Variants in TMPRSS5 observed in about 807,000 individuals in gnomAD.
TMPRSS5 encodes transmembrane protease serine 5.
Under a neutral mutation model 59.7 loss-of-function variants are expected in TMPRSS5, and 45 were observed. That is an observed-to-expected ratio of 0.75 (90% CI 0.59 to 0.97). The LOEUF is 0.97. Among genes scored for constraint, TMPRSS5 ranks in the 50% least tolerant of loss-of-function variants. TMPRSS5 has a pLI of 0.00. For missense variants in TMPRSS5, 585 were observed against 596.7 expected, an observed-to-expected ratio of 0.98 and a Z score of 0.20; for synonymous variants, 225 against 232.0, an observed-to-expected ratio of 0.97 and a Z score of 0.27.
At chr11:113,706,186 G>A (rs1418127351) in intron 1 of TMPRSS5, 36 bp downstream of exon 1, 1 of 1,589,488 alleles carries the variant, frequency 6.3e-7, no homozygotes, top group Non-Finnish European at 8.6e-7. Context: ...AAGAGAGAGA[G>A]GCCACAGCAG....
At chr11:113,698,796 C>T in intron 4 of TMPRSS5, 109 bp downstream of exon 4, 1 of 1,308,286 alleles carries the variant, frequency 7.6e-7, no homozygotes, top group Non-Finnish European at 1.1e-6. Flanking sequence ...GAGGGAAACA[C>T]ATATGGTTGG....
At chr11:113,689,944 G>A (rs772942450) in intron 11 of TMPRSS5, 27 bp from the exon 12 acceptor site, 30 of 1,519,018 alleles carry the variant, frequency 2.0e-5, no homozygotes, top group Non-Finnish European at 2.7e-5. Context: ...TGGAGACACA[G>A]AGAAACAGCC....
chr11:113,698,399 ACAGT>A (rs1486345187), intron 4 of TMPRSS5, among the ~76,000 whole-genome samples: 1 of 152,222 alleles, frequency 6.6e-6, no homozygotes, highest in East Asian at 1.9e-4. Context: ...CCAAAGTCAC[ACAGT>A]CAAAGACAGA....
chr11:113,699,749 C>T, intron 2 of TMPRSS5, 56 bp from the exon 3 acceptor site: 1 of 1,523,286 alleles, frequency 6.6e-7, no homozygotes, highest in East Asian at 2.5e-5. Context: ...GCCTGCCTTA[C>T]TTCACCCTAA....
At chr11:113,695,866 TCTC>T in intron 6 of TMPRSS5, among the ~76,000 whole-genome samples, 1 of 152,254 alleles carries the variant, frequency 6.6e-6, no homozygotes, top group East Asian at 1.9e-4. Context: ...TTTGCTGTAT[TCTC>T]CACCCTGGTC....
rs116051937 is a variant in TMPRSS5 at position 113,703,599 on chromosome 11, C to T, written c.3+2623G>A. 8.8e-3 allele frequency among the ~76,000 whole-genome samples: 1,335 copies of T among 152,316 alleles called. 18 individuals are homozygous for T. The highest frequency in any genetic ancestry group is 0.029 in the African/African-American group (1,204 of 41,566). ...GATATGATTTGGCTCTCCCCTCACCCACAATCTCATTTTGAATTGTAATTT... is the reference window on the plus strand; with the variant it reads ...GATATGATTTGGCTCTCCCCTCACCTACAATCTCATTTTGAATTGTAATTT... On this transcript the variant is annotated intron_variant, in intron 1 of 12. Coordinates refer to ENST00000299882, the MANE Select transcript of TMPRSS5 (RefSeq NM_030770.4).
intron 4 of TMPRSS5, 147 bp from the exon 5 acceptor site, chr11:113,697,565 G>A: frequency 2.3e-6 from 2 of 860,972 alleles, no homozygotes; most frequent in Non-Finnish European, 3.6e-6. Flanking sequence ...GCTCCCCGGA[G>A]AGTGAGACCA....
At chr11:113,703,190 G>A (rs1953191244) in intron 1 of TMPRSS5, among the ~76,000 whole-genome samples, 1 of 152,248 alleles carries the variant, frequency 6.6e-6, no homozygotes, top group Non-Finnish European at 1.5e-5. Context: ...CCAAGGCCAT[G>A]GAAGCCCACC....
chr11:113,701,925 G>A (rs1367755942), intron 1 of TMPRSS5, among the ~76,000 whole-genome samples: 1 of 152,032 alleles, frequency 6.6e-6, no homozygotes, highest in African/African-American at 2.4e-5. Context: ...TATGCATTCG[G>A]TATTTGTCCT....
rs548820161 is a variant in TMPRSS5, at chr11:113,689,700, G to A, written c.1359+65C>T. ...GCAGGGCCCGGGCCTAAGGGGTAAG[G>A]TTCCTTGCATTCGAGGGCAGGTCCT... On this transcript the variant is annotated intron_variant, in intron 12 of 12. Transcript: ENST00000299882. The A allele has an allele frequency of 1.3e-4, 195 of 1,548,786 alleles. 3 individuals are homozygous for A. In the East Asian group the frequency reaches 4.6e-3, roughly 36 times the overall value.
Position 113,696,876 on chromosome 11 carries a change from TC to T in TMPRSS5, c.559del (p.Glu187ArgfsTer32). 6.4e-7 allele frequency: 1 copy of T among 1,567,288 alleles called. No individual in the cohort carries two copies. The highest frequency in any genetic ancestry group is 8.7e-7 in the Non-Finnish European group (1 of 1,155,376). ...GTCCTACCTGGGCTGCCACGCCTCC[TC>T]CAGGAAGCCTCCCAGTCTAGGAGAG... ...QLSPRLGGFL[E>X]EAWQPRNNCT... On this transcript the variant is annotated frameshift_variant, in exon 6 of 13. Transcript: ENST00000299882. LOFTEE classifies it high-confidence loss of function.
At chr11:113,703,978 C>T (rs1953213000) in intron 1 of TMPRSS5, among the ~76,000 whole-genome samples, 1 of 152,156 alleles carries the variant, frequency 6.6e-6, no homozygotes, top group Non-Finnish European at 1.5e-5. Flanking sequence ...AGAATAAGGG[C>T]TTACTTCTCA....
At chr11:113,694,966 G>C (rs560967507) in intron 7 of TMPRSS5, among the ~76,000 whole-genome samples, 1 of 152,278 alleles carries the variant, frequency 6.6e-6, no homozygotes, top group African/African-American at 2.4e-5. Context: ...TGAAGAGACG[G>C]GTAGATGAAC....
intron 10 of TMPRSS5, 137 bp from the exon 11 acceptor site, chr11:113,690,510 T>C: frequency 7.5e-7 from 1 of 1,338,064 alleles, no homozygotes; most frequent in Non-Finnish European, 1.0e-6. Context: ...CTGTGGACGC[T>C]GAGCAAGGAA....
At chr11:113,692,882 T>C (rs1213496544) in intron 9 of TMPRSS5, among the ~76,000 whole-genome samples, 189 bp downstream of exon 9, 1 of 152,142 alleles carries the variant, frequency 6.6e-6, no homozygotes, top group East Asian at 1.9e-4. Context: ...CAAAAGAGCC[T>C]GTACAAGAGT....
At chr11:113,692,368 G>A (rs748140408) in intron 9 of TMPRSS5, among the ~76,000 whole-genome samples, 20 of 152,140 alleles carry the variant, frequency 1.3e-4, no homozygotes, top group Non-Finnish European at 1.6e-4. Context: ...GTGTGTGTGC[G>A]CAAGTGTGTT....
intron 6 of TMPRSS5, 38 bp from the exon 7 acceptor site, chr11:113,695,481 G>A: frequency 6.2e-7 from 1 of 1,610,422 alleles, no homozygotes; most frequent in East Asian, 2.2e-5. Context: ...CTGGGCAGGG[G>A]CCGCCCTGCA....
chr11:113,699,566 C>G (rs769487747), intron 3 of TMPRSS5, 29 bp downstream of exon 3: 22 of 1,545,392 alleles, frequency 1.4e-5, no homozygotes, highest in Middle Eastern at 1.7e-4. Context: ...CAACCTCCCC[C>G]ACACCAGAGA....
chr11:113,694,613 C>T lies in TMPRSS5; in HGVS notation c.650G>A (p.Arg217Gln), dbSNP rs760168335. Residue 217 changes from arginine to glutamine, a missense_variant, in exon 8 of 13, where the codon CGG (arginine) becomes CAG (glutamine). Coordinates refer to ENST00000299882, the MANE Select transcript of TMPRSS5 (RefSeq NM_030770.4). ...AGCCACAGACTGCCCACCAACTATC[C>T]GGGAAGCCAGGGGCCTCGCTCCACA... Reference protein sequence around the residue: ...SECGARPLASRIVGGQSVAPG... With the variant: ...SECGARPLASQIVGGQSVAPG... 5.2e-6 allele frequency: 8 copies of T among 1,549,726 alleles called. No homozygotes were observed. The highest frequency in any genetic ancestry group is 2.4e-5 in the South Asian group (2 of 83,750).
Sources: gnomAD v4.1 joint callset for allele counts (sites outside exome capture counted in the v4.1 genomes callset) on GRCh38, gnomAD v4.1.1 for gene constraint, MANE v1.5 for transcripts, NCBI Gene and HGNC (gene_info 2026-07-23, HGNC 2026-07-21) for gene names.